Variants in CARM1 observed in about 807,000 individuals in gnomAD.
The protein encoded by CARM1 is coactivator associated arginine methyltransferase 1.
A neutral mutation model predicts 72.7 loss-of-function variants in CARM1; 14 were observed. That is an observed-to-expected ratio of 0.19 (90% CI 0.13 to 0.30). The LOEUF is 0.30. Among genes scored for constraint, CARM1 ranks in the 10% least tolerant of loss-of-function variants. The pLI is 1.00. For missense variants in CARM1, 432 were observed against 833.7 expected (o/e 0.52, Z 5.93); for synonymous variants, 333 against 345.5 (o/e 0.96, Z 0.40).
intron 8 of CARM1, among the ~76,000 whole-genome samples, chr19:10,917,366 A>G (rs1201415074): frequency 2.6e-5 from 4 of 152,032 alleles, no homozygotes; most frequent in Non-Finnish European, 5.9e-5. Flanking sequence ...AGTCCCAGCT[A>G]CTCAGGAGGC....
At chr19:10,892,898 A>G (rs1418802200) in intron 1 of CARM1, among the ~76,000 whole-genome samples, 1 of 151,720 alleles carries the variant, frequency 6.6e-6, no homozygotes, top group African/African-American at 2.4e-5. Context: ...ATGTCTGGCT[A>G]ATTTTTTGTA....
At chr19:10,894,562 A>G (rs2074010416) in intron 1 of CARM1, among the ~76,000 whole-genome samples, 1 of 151,432 alleles carries the variant, frequency 6.6e-6, no homozygotes, top group Non-Finnish European at 1.5e-5. Flanking sequence ...GCTACCAGCT[A>G]CTCCCCCGCC....
intron 1 of CARM1, among the ~76,000 whole-genome samples, chr19:10,878,003 G>A (rs1379013555): frequency 6.6e-6 from 1 of 152,068 alleles, no homozygotes; most frequent in Non-Finnish European, 1.5e-5. Context: ...CACCACCCTT[G>A]GCTAATTTAA....
At chr19:10,921,261 C>T in intron 14 of CARM1, 114 bp from the exon 15 acceptor site, 2 of 1,444,598 alleles carry the variant, frequency 1.4e-6, no homozygotes, top group Non-Finnish European at 1.9e-6. Context: ...GGGCTCTCGG[C>T]CGAGGCTCTC....
At chr19:10,900,982 CT>C (rs747700729) in intron 1 of CARM1, among the ~76,000 whole-genome samples, 197 of 139,984 alleles carry the variant, frequency 1.4e-3, no homozygotes, top group Middle Eastern at 7.9e-3. Flanking sequence ...TGCACCCGGA[CT>C]TTTTTTTTTT....
chr19:10,908,955 C>T lies in CARM1; in HGVS notation c.454-148C>T, dbSNP rs1470383932. 3 of 561,808 alleles carry T rather than the reference C, an allele frequency of 5.3e-6. No homozygotes were observed. In the African/African-American group the frequency reaches 5.8e-5, roughly 11 times the overall value. The allele number at this position is 561,808 out of a possible 1,614,324, so 34.8% of individuals were successfully genotyped here. ...CGGCTTCCTGCTCCCTCTCCTGGAG[C>T]TGCTAGTGGGGCCCAGGCAGAGGGT... On this transcript the variant is annotated intron_variant, in intron 3 of 15. Coordinates refer to ENST00000327064, the MANE Select transcript of CARM1 (RefSeq NM_199141.2).
At chr19:10,893,806 C>A (rs560253506) in intron 1 of CARM1, among the ~76,000 whole-genome samples, 3 of 152,338 alleles carry the variant, frequency 2.0e-5, no homozygotes, top group Admixed American at 2.0e-4. Context: ...GGTTATGTCA[C>A]CTCACCCTTT....
intron 1 of CARM1, among the ~76,000 whole-genome samples, chr19:10,891,238 G>A (rs1271976812): frequency 1.3e-5 from 2 of 152,096 alleles, no homozygotes; most frequent in East Asian, 3.9e-4. Flanking sequence ...CCGGGCATGG[G>A]TGGGTTCGTC....
rs372681788 is a variant in CARM1, at chr19:10,921,339, G to A, written c.1616-36G>A. 832 of 1,608,516 alleles carry A rather than the reference G, an allele frequency of 5.2e-4. 5 individuals carry two copies. The highest frequency in any genetic ancestry group is 4.1e-3 in the South Asian group (374 of 90,688). On this transcript the variant is annotated intron_variant, in intron 14 of 15. Transcript: ENST00000327064. ...CTGGGTGGCTGGGGGCGGTGACGCC[G>A]TCTCCCTTCCTTCTTTCCTCCCTCT...
intron 1 of CARM1, among the ~76,000 whole-genome samples, chr19:10,876,640 G>A (rs1225440228): frequency 2.0e-5 from 3 of 152,268 alleles, no homozygotes; most frequent in African/African-American, 4.8e-5. Context: ...CCTGGCCTAC[G>A]TCCATGAGAT....
At chr19:10,906,424 C>T (rs2074104522) in intron 2 of CARM1, among the ~76,000 whole-genome samples, 2 of 152,204 alleles carry the variant, frequency 1.3e-5, no homozygotes, top group Admixed American at 1.3e-4. Flanking sequence ...GTCACTACCG[C>T]CCATCTCCAG....
chr19:10,874,266 A>G (rs2073845478), intron 1 of CARM1, among the ~76,000 whole-genome samples: 1 of 152,178 alleles, frequency 6.6e-6, no homozygotes, highest in South Asian at 2.1e-4. Context: ...CATTCATAAA[A>G]AGGAGAAAGT....
In CARM1 at chr19:10,905,066, C is replaced by G; in HGVS notation, c.336C>G (p.Ala112=). The G allele has an allele frequency of 6.2e-7, 1 of 1,613,872 alleles. No individual in the cohort carries two copies. Among genetic ancestry groups the G allele is most frequent in the Non-Finnish European group, 8.5e-7 (1 of 1,179,982 alleles). Residue 112 remains alanine, a synonymous_variant, in exon 2 of 16, where the codon GCC becomes GCG. Coordinates refer to ENST00000327064, the MANE Select transcript of CARM1 (RefSeq NM_199141.2). ...LGCNSVLIQF[A]TPNDFCSFYN... The stretch of plus-strand genomic sequence containing the variant: ...GCAACAGCGTCCTCATCCAGTTCGC[C>G]ACACCCAACGGTACGTGGCCCTCCT...
chr19:10,872,450 T>C (rs1218904767), intron 1 of CARM1, among the ~76,000 whole-genome samples: 1 of 152,004 alleles, frequency 6.6e-6, no homozygotes, highest in Non-Finnish European at 1.5e-5. Context: ...TCCACCGCTG[T>C]GCGAGGTGTG....
intron 1 of CARM1, among the ~76,000 whole-genome samples, chr19:10,880,426 G>T (rs1325887240): frequency 6.6e-6 from 1 of 151,970 alleles, no homozygotes; most frequent in East Asian, 1.9e-4. Context: ...GCTCATTGCA[G>T]CCTTGAACAC....
At chr19:10,902,861 C>G (rs116432705) in intron 1 of CARM1, among the ~76,000 whole-genome samples, 7 of 152,242 alleles carry the variant, frequency 4.6e-5, no homozygotes, top group African/African-American at 1.7e-4. Context: ...CTGCCTGACT[C>G]CCAAAGTACT....
At chr19:10,891,513 G>C (rs2073987518) in intron 1 of CARM1, among the ~76,000 whole-genome samples, 1 of 152,192 alleles carries the variant, frequency 6.6e-6, no homozygotes, top group Admixed American at 6.5e-5. Context: ...ATTCCAAGCT[G>C]AGGAAAGCAG....
intron 1 of CARM1, among the ~76,000 whole-genome samples, chr19:10,888,009 T>A (rs1368949811): frequency 6.6e-6 from 1 of 152,122 alleles, no homozygotes; most frequent in Non-Finnish European, 1.5e-5. Flanking sequence ...TGGGAGATGA[T>A]CCCCCTCAGC....
At position 10,922,976 on chromosome 19, in the gene CARM1, T is replaced by C. The variant is rs1000292949; in HGVS notation, c.*1219T>C. ...GGGGGGGATATGGGGGCCCCAGCCC[T>C]GTCCCAAAGCTCCCTGCTCGGCTGC... On this transcript the variant is annotated 3_prime_UTR_variant, in exon 16 of 16. Coordinates refer to ENST00000327064, the MANE Select transcript of CARM1 (RefSeq NM_199141.2). The C allele has an allele frequency of 1.6e-5, 4 of 252,716 alleles. No homozygotes were observed. Among genetic ancestry groups the C allele is most frequent in the African/African-American group, 2.3e-5 (1 of 42,844 alleles). 15.7% of individuals were successfully genotyped at this position (252,716 alleles called of 1,614,324 possible). A position where few individuals can be genotyped will look rare whatever the true frequency, so the allele number is the denominator to read the frequency against.
Sources: allele counts gnomAD v4.1 joint callset (sites outside exome capture counted in the v4.1 genomes callset), GRCh38; gene constraint gnomAD v4.1.1; transcripts MANE v1.5; gene names NCBI Gene and HGNC (gene_info 2026-07-23, HGNC 2026-07-21).